The following SEZ6L variants were observed in gnomAD, a reference collection of about 807,000 sequenced individuals.
SEZ6L encodes seizure 6-like protein.
In SEZ6L, 37 loss-of-function variants were observed where a neutral mutation model predicts 106.2. The observed-to-expected ratio is 0.35, with a 90% CI of 0.27 to 0.46. The LOEUF (loss-of-function observed/expected upper bound fraction) is 0.46. Ranked by LOEUF, SEZ6L falls within the 20% of genes least tolerant of loss-of-function variation. SEZ6L has a pLI of 1.00. For missense variants in SEZ6L, 1,172 were observed against 1,332.8 expected (o/e 0.88, Z 1.88); for synonymous variants, 541 against 570.4 (o/e 0.95, Z 0.73).
intron 1 of SEZ6L, among the ~76,000 whole-genome samples, chr22:26,181,578 AAG>A (rs2123777752): frequency 6.6e-6 from 1 of 152,306 alleles, no homozygotes; most frequent in South Asian, 2.1e-4. Context: ...GTGGCTTTTA[AAG>A]AAAGCCTCTC....
chr22:26,251,145 C>CCTAA (rs2079563475), intron 1 of SEZ6L, among the ~76,000 whole-genome samples: 1 of 152,090 alleles, frequency 6.6e-6, no homozygotes, highest in Non-Finnish European at 1.5e-5. Context: ...TCTTTCTTTG[C>CCTAA]CTAGTTGCTC....
intron 12 of SEZ6L, among the ~76,000 whole-genome samples, chr22:26,358,110 A>G (rs151033739): frequency 5.9e-5 from 9 of 152,176 alleles, no homozygotes; most frequent in Admixed American, 4.6e-4. Context: ...TCCTGTGGCC[A>G]CATCTTGGCC....
At chr22:26,282,058 T>C (rs1012767601) in intron 1 of SEZ6L, among the ~76,000 whole-genome samples, 4 of 152,340 alleles carry the variant, frequency 2.6e-5, no homozygotes, top group Middle Eastern at 6.8e-3. Context: ...ATTGCTTAAC[T>C]CGTCTGCATA....
intron 1 of SEZ6L, among the ~76,000 whole-genome samples, chr22:26,180,607 G>T (rs960376148): frequency 2.0e-5 from 3 of 152,178 alleles, no homozygotes; most frequent in African/African-American, 7.2e-5. Context: ...TTTAGGGTAG[G>T]AGTTGTGGGT....
chr22:26,358,215 G>C (rs1383007512), intron 12 of SEZ6L, among the ~76,000 whole-genome samples: 2 of 152,194 alleles, frequency 1.3e-5, no homozygotes, highest in Non-Finnish European at 2.9e-5. Context: ...AACCCTAGGG[G>C]ATTTGGGTAA....
Position 26,340,536 on chromosome 22 carries a change from C to A in SEZ6L, c.2116C>A (p.Leu706Met), listed in dbSNP as rs769487385. ...QYLGNSGPQK[L>M]YSSTPDLTIQ... ...CCTTGGGAACAGTGGCCCCCAGAAA[C>A]TGTACTCCTCCACGCCAGACTTAAC... is the stretch of plus-strand genomic sequence containing the variant. Residue 706 changes from leucine to methionine, a missense_variant, in exon 10 of 17, where the codon CTG (leucine) becomes ATG (methionine). By Grantham distance (15) the Leu-to-Met change is conservative (BLOSUM62 2). Transcript: ENST00000248933. 3 of 1,614,180 alleles carry A rather than the reference C, an allele frequency of 1.9e-6. No individual in the cohort carries two copies. The highest frequency in any genetic ancestry group is 2.5e-6 in the Non-Finnish European group (3 of 1,180,026).
chr22:26,359,834 G>T (rs1283200750), intron 12 of SEZ6L, among the ~76,000 whole-genome samples: 2 of 152,054 alleles, frequency 1.3e-5, no homozygotes, highest in Non-Finnish European at 2.9e-5. Flanking sequence ...TAGGAATAAA[G>T]ATATAATATC....
At chr22:26,215,832 G>A (rs1278920424) in intron 1 of SEZ6L, among the ~76,000 whole-genome samples, 1 of 152,172 alleles carries the variant, frequency 6.6e-6, no homozygotes, top group Non-Finnish European at 1.5e-5. Flanking sequence ...GGTGAGCAGG[G>A]ATCTGAGGAA....
chr22:26,290,140 A>G (rs936429277), intron 1 of SEZ6L, among the ~76,000 whole-genome samples: 4 of 152,354 alleles, frequency 2.6e-5, no homozygotes, highest in Middle Eastern at 3.4e-3. Context: ...GAGTGAAGTC[A>G]TTAACCAGCA....
intron 1 of SEZ6L, among the ~76,000 whole-genome samples, chr22:26,246,778 A>G (rs2079365571): frequency 6.6e-6 from 1 of 152,222 alleles, no homozygotes; most frequent in African/African-American, 2.4e-5. Flanking sequence ...GGTAGAGATG[A>G]TTAGCATTGT....
intron 11 of SEZ6L, among the ~76,000 whole-genome samples, chr22:26,349,266 A>G (rs1246216046): frequency 6.6e-6 from 1 of 152,186 alleles, no homozygotes; most frequent in Non-Finnish European, 1.5e-5. Flanking sequence ...TGGTCTCCCC[A>G]TAGAAGTCAC....
chr22:26,193,904 G>T (rs1162288325), intron 1 of SEZ6L, among the ~76,000 whole-genome samples: 1 of 152,200 alleles, frequency 6.6e-6, no homozygotes, highest in Admixed American at 6.5e-5. Context: ...AACCAGAATG[G>T]AATCACTGCC....
At chr22:26,228,344 G>C (rs1343963353) in intron 1 of SEZ6L, among the ~76,000 whole-genome samples, 1 of 152,194 alleles carries the variant, frequency 6.6e-6, no homozygotes, top group African/African-American at 2.4e-5. Context: ...ATGTGGTCGG[G>C]CGAGGTTAAT....
At chr22:26,195,288 G>T (rs145073691) in intron 1 of SEZ6L, among the ~76,000 whole-genome samples, 1 of 152,302 alleles carries the variant, frequency 6.6e-6, no homozygotes, top group Non-Finnish European at 1.5e-5. Flanking sequence ...ACTCTTCAGA[G>T]TATTAGGAAT....
At chr22:26,179,559 A>C (rs1455234941) in intron 1 of SEZ6L, among the ~76,000 whole-genome samples, 3 of 152,246 alleles carry the variant, frequency 2.0e-5, no homozygotes, top group African/African-American at 7.2e-5. Flanking sequence ...AATAATGTCC[A>C]GTTGCTTATA....
At chr22:26,330,976 C>T (rs1366424432) in intron 9 of SEZ6L, among the ~76,000 whole-genome samples, 2 of 152,180 alleles carry the variant, frequency 1.3e-5, no homozygotes, top group African/African-American at 4.8e-5. Context: ...GATTTCTAAG[C>T]CAAGGGTCAA....
intron 1 of SEZ6L, among the ~76,000 whole-genome samples, chr22:26,193,463 A>G (rs189570420): frequency 1.3e-3 from 197 of 152,330 alleles, no homozygotes; most frequent in African/African-American, 4.5e-3. Flanking sequence ...TGGTTCTGCT[A>G]TCACATGGTG....
chr22:26,224,276 T>C (rs539263533), intron 1 of SEZ6L, among the ~76,000 whole-genome samples: 2 of 152,176 alleles, frequency 1.3e-5, no homozygotes, highest in South Asian at 4.2e-4. Flanking sequence ...TTAGGGAGAT[T>C]TGAGGAAACC....
chr22:26,252,221 G>A (rs1602167888), intron 1 of SEZ6L, among the ~76,000 whole-genome samples: 1 of 152,054 alleles, frequency 6.6e-6, no homozygotes, highest in Admixed American at 6.5e-5. Flanking sequence ...AAAAGGAAAG[G>A]GTTGGGCTAA....
Sources: gnomAD v4.1 joint callset for allele counts (sites outside exome capture counted in the v4.1 genomes callset) on GRCh38, gnomAD v4.1.1 for gene constraint, MANE v1.5 for transcripts, NCBI Gene and HGNC (gene_info 2026-07-23, HGNC 2026-07-21) for gene names.